Variants in MFAP3L observed in about 807,000 individuals in gnomAD.
The protein encoded by MFAP3L is microfibril associated protein 3 like.
MFAP3L carries 5 observed loss-of-function variants against 20.0 expected under a neutral mutation model. The observed-to-expected ratio is 0.25, with a 90% confidence interval of 0.13 to 0.53. MFAP3L has a LOEUF of 0.53. Among genes scored for constraint, MFAP3L ranks in the 20% least tolerant of loss-of-function variants. MFAP3L has a pLI of 0.96. For synonymous variants in MFAP3L, 219 were observed against 213.0 expected, an observed-to-expected ratio of 1.03 and a Z score of -0.25; for missense variants, 409 against 527.5, an observed-to-expected ratio of 0.78 and a Z score of 2.20.
chr4:170,013,603 A>G (rs1739518244), intron 1 of MFAP3L, among the ~76,000 whole-genome samples: 2 of 152,218 alleles, frequency 1.3e-5, no homozygotes, highest in Non-Finnish European at 2.9e-5. Context: ...GAAAAAAAAT[A>G]AAAAGACCAT....
At chr4:170,025,069 A>G (rs146272747) in intron 1 of MFAP3L, among the ~76,000 whole-genome samples, 1 of 152,386 alleles carries the variant, frequency 6.6e-6, no homozygotes, top group Non-Finnish European at 1.5e-5. Context: ...CCTATTAGAT[A>G]CAATAATCCT....
rs985271785 is a variant in MFAP3L, at chr4:170,005,994, G to T, written c.-117C>A. 1 of 1,438,284 alleles carries T rather than the reference G, an allele frequency of 7.0e-7. No homozygotes were observed. 89.1% of individuals were successfully genotyped at this position (1,438,284 alleles called of 1,614,324 possible). A position where few individuals can be genotyped will look rare whatever the true frequency, so the allele number is the denominator to read the frequency against. Reference sequence around the variant, plus strand: ...AAACCTGTCCTGGGTCCATAGAGTTGGTACTTGAGCAAGAACCTGTTTTTA... The same window carrying T: ...AAACCTGTCCTGGGTCCATAGAGTTTGTACTTGAGCAAGAACCTGTTTTTA... On this transcript the variant is annotated 5_prime_UTR_variant, in exon 2 of 3. Coordinates refer to ENST00000361618, the MANE Select transcript of MFAP3L (RefSeq NM_021647.8).
At chr4:169,993,560 C>G (rs1200133773) in intron 2 of MFAP3L, 6 of 152,156 alleles carry the variant, frequency 3.9e-5, no homozygotes, top group Non-Finnish European at 8.8e-5. Flanking sequence ...TTCCAATGGA[C>G]TACGGAATAA....
chr4:170,021,278 T>C (rs916858322), intron 1 of MFAP3L, among the ~76,000 whole-genome samples: 2 of 152,220 alleles, frequency 1.3e-5, no homozygotes, highest in Non-Finnish European at 2.9e-5. Context: ...TGCCCACAGA[T>C]AGAGTACAAC....
At chr4:170,003,156 C>A (rs1367803607) in intron 2 of MFAP3L, among the ~76,000 whole-genome samples, 1 of 152,176 alleles carries the variant, frequency 6.6e-6, no homozygotes, top group African/African-American at 2.4e-5. Flanking sequence ...AAAAGCTGAG[C>A]TGGAACATCA....
intron 1 of MFAP3L, among the ~76,000 whole-genome samples, chr4:170,024,366 C>A (rs901749416): frequency 6.6e-6 from 1 of 152,106 alleles, no homozygotes; most frequent in East Asian, 1.9e-4. Flanking sequence ...TAAACTGAGG[C>A]CTTGCTGCTT....
rs776083866 is a variant in MFAP3L, at chr4:169,988,550, C to T, written c.*2828G>A. On this transcript the variant is annotated 3_prime_UTR_variant, in exon 3 of 3. Transcript: ENST00000361618. ...ATGTGCACGAGTGTGTATGCACACA[C>T]GTTCAGTCACACTCGCATGAATTTC... 7 of 152,180 alleles carry T rather than the reference C, an allele frequency of 4.6e-5. No individual in the cohort carries two copies. Among genetic ancestry groups the T allele is most frequent in the Non-Finnish European group, 8.8e-5 (6 of 68,038 alleles). The allele number at this position is 152,180 out of a possible 1,614,324, so 9.4% of individuals were successfully genotyped here. A position where few individuals can be genotyped will look rare whatever the true frequency, so the allele number is the denominator to read the frequency against.
rs1030242630 is a variant in MFAP3L at position 169,994,111 on chromosome 4, A to T, written c.299-1802T>A. Reference sequence around the variant, plus strand: ...CAGGCATGGACAAAAACAGAACAAAAGTCTAACTGATTGAAAGCTTATTCC... The same window carrying T: ...CAGGCATGGACAAAAACAGAACAAATGTCTAACTGATTGAAAGCTTATTCC... On this transcript the variant is annotated intron_variant, in intron 2 of 2. Coordinates refer to ENST00000361618, the MANE Select transcript of MFAP3L (RefSeq NM_021647.8). 4 of 934,550 alleles carry T rather than the reference A, an allele frequency of 4.3e-6. No homozygotes were observed. In the African/African-American group the frequency reaches 7.1e-5, roughly 17 times the overall value. The allele number at this position is 934,550 out of a possible 1,614,324, so 57.9% of individuals were successfully genotyped here.
chr4:170,024,463 T>C (rs1442964086), intron 1 of MFAP3L, among the ~76,000 whole-genome samples: 1 of 152,192 alleles, frequency 6.6e-6, no homozygotes, highest in African/African-American at 2.4e-5. Flanking sequence ...AGACCTGCTG[T>C]TCAGGATAAG....
intron 2 of MFAP3L, chr4:170,001,908 A>T: frequency 1.0e-6 from 1 of 984,772 alleles, no homozygotes; most frequent in Non-Finnish European, 1.2e-6. Flanking sequence ...CAATGACAGG[A>T]AATAGCCCCA....
chr4:170,003,995 C>T (rs1356332820), intron 2 of MFAP3L, among the ~76,000 whole-genome samples: 1 of 152,146 alleles, frequency 6.6e-6, no homozygotes, highest in Non-Finnish European at 1.5e-5. Context: ...CTCACTCTGT[C>T]GCCCAGGCTG....
rs994176170 is a variant in MFAP3L at position 169,991,254 on chromosome 4, G to A, written c.*124C>T. ...AGGCAGGTGTTTCTCCTTTTAAAGT[G>A]GCATCACTCCTACCTAAGGGATGAG... On this transcript the variant is annotated 3_prime_UTR_variant, in exon 3 of 3. Coordinates refer to ENST00000361618, the MANE Select transcript of MFAP3L (RefSeq NM_021647.8). The surrounding 1 kb of genome is among the most constrained non-coding windows in gnomAD (Gnocchi z 4.9). The A allele has an allele frequency of 2.0e-6, 2 of 1,001,182 alleles. No homozygotes were observed. The highest frequency in any genetic ancestry group is 1.6e-5 in the African/African-American group (1 of 61,872). The allele number at this position is 1,001,182 out of a possible 1,614,324, so 62.0% of individuals were successfully genotyped here.
chr4:170,012,862 T>C (rs998709160), intron 1 of MFAP3L, among the ~76,000 whole-genome samples: 3 of 152,204 alleles, frequency 2.0e-5, no homozygotes, highest in Non-Finnish European at 4.4e-5. Flanking sequence ...AGCCACCAGA[T>C]GAGCTGTTTA....
intron 1 of MFAP3L, among the ~76,000 whole-genome samples, chr4:170,007,841 T>C (rs1299353957): frequency 6.6e-6 from 1 of 152,078 alleles, no homozygotes; most frequent in Non-Finnish European, 1.5e-5. Flanking sequence ...CCTGGCTAAA[T>C]ACCACAGGGG....
chr4:169,998,609 A>G (rs1484345520), intron 2 of MFAP3L, among the ~76,000 whole-genome samples: 3 of 152,212 alleles, frequency 2.0e-5, no homozygotes, highest in Non-Finnish European at 4.4e-5. Flanking sequence ...AAAAAAAATT[A>G]TACCCAAATG....
upstream of MFAP3L, chr4:170,027,025 T>C (rs1461998892): frequency 1.3e-5 from 2 of 152,192 alleles, no homozygotes; most frequent in Non-Finnish European, 2.9e-5. Context: ...CCTGGTGACT[T>C]TCTGAGTGGT....
intron 1 of MFAP3L, among the ~76,000 whole-genome samples, chr4:170,021,408 A>G (rs1174305339): frequency 6.6e-6 from 1 of 152,230 alleles, no homozygotes; most frequent in Non-Finnish European, 1.5e-5. Flanking sequence ...TTTACAATAG[A>G]AAACAATTTT....
At position 169,990,305 on chromosome 4, in the gene MFAP3L, T is replaced by G. The variant is rs1737567676; in HGVS notation, c.*1073A>C. ...TTTGCTATTACCCTAACCTTTCGCTTTCCTCTTTAAGGACAACCAAGTCAG... is the reference window on the plus strand; with the variant it reads ...TTTGCTATTACCCTAACCTTTCGCTGTCCTCTTTAAGGACAACCAAGTCAG... On this transcript the variant is annotated 3_prime_UTR_variant, in exon 3 of 3. Coordinates refer to ENST00000361618, the MANE Select transcript of MFAP3L (RefSeq NM_021647.8). 6.6e-6 allele frequency: 1 copy of G among 152,268 alleles called. No homozygotes were observed. The allele number at this position is 152,268 out of a possible 1,614,324, so 9.4% of individuals were successfully genotyped here.
intron 1 of MFAP3L, among the ~76,000 whole-genome samples, chr4:170,019,285 T>C (rs1053446555): frequency 6.6e-6 from 1 of 152,194 alleles, no homozygotes; most frequent in Non-Finnish European, 1.5e-5. Flanking sequence ...CAATGGCTCA[T>C]GTCTGTAATC....
Sources: allele counts gnomAD v4.1 joint callset (sites outside exome capture counted in the v4.1 genomes callset), GRCh38; gene constraint gnomAD v4.1.1; non-coding constraint Gnocchi (gnomAD v3.1); transcripts MANE v1.5; gene names NCBI Gene and HGNC (gene_info 2026-07-23, HGNC 2026-07-21).